RNF216: variants seen among roughly 807,000 people sequenced by gnomAD.
RNF216 encodes E3 ubiquitin-protein ligase RNF216.
Under a neutral mutation model 110.8 loss-of-function variants are expected in RNF216, and 72 were observed. The ratio of observed to expected loss-of-function variants is 0.65; its 90% CI spans 0.54 to 0.79. The LOEUF (loss-of-function observed/expected upper bound fraction) is 0.79, where lower values mean the gene tolerates loss of function less well. RNF216 is among the 30% of genes least tolerant of loss of function. The probability of loss-of-function intolerance (pLI) is 0.00; values close to 1 mark genes in which losing one functional copy is unlikely to be tolerated. For synonymous variants in RNF216, 495 were observed against 407.5 expected, an observed-to-expected ratio of 1.21 and a Z score of -2.59; for missense variants, 1,342 against 1,141.2, an observed-to-expected ratio of 1.18 and a Z score of -2.54.
chr7:5,745,799 G>A (rs1220043766), intron 3 of RNF216, among the ~76,000 whole-genome samples: 2 of 151,686 alleles, frequency 1.3e-5, no homozygotes, highest in Admixed American at 1.3e-4. Context: ...ACTCTCGGGA[G>A]GCTGAGGCAG....
At chr7:5,645,881 C>A (rs1367169112) in intron 14 of RNF216, among the ~76,000 whole-genome samples, 1 of 152,190 alleles carries the variant, frequency 6.6e-6, no homozygotes, top group African/African-American at 2.4e-5. Flanking sequence ...TGAGCCACTG[C>A]GCCTGGCTGG....
At position 5,741,083 on chromosome 7, in the gene RNF216, C is replaced by G. The variant is rs151280655; in HGVS notation, c.934G>C (p.Gly312Arg). 2.5e-6 allele frequency: 4 copies of G among 1,614,150 alleles called. No individual in the cohort carries two copies. The African/African-American group carries it at 5.3e-5, about 22-fold the overall frequency. ...GATTCTTGCATTGGAAAGGCTGGAC[C>G]TGGCTCTTCATCATCACTTGCTAAC... The part of the protein sequence containing the change: ...QQLASDDEEP[G>R]PAFPMQESQE... Residue 312 changes from glycine to arginine, a missense_variant, in exon 4 of 17, where the codon GGT (glycine) becomes CGT (arginine). Gly to Arg is a moderately radical substitution (Grantham distance 125). Transcript: ENST00000389902.
intron 14 of RNF216, among the ~76,000 whole-genome samples, chr7:5,649,377 T>C (rs2128574221): frequency 9.8e-6 from 1 of 102,032 alleles, no homozygotes; most frequent in South Asian, 3.3e-4. Flanking sequence ...GGAGACTCCG[T>C]CTCCAAAGGA....
At chr7:5,773,619 G>A (rs1796615996) in intron 1 of RNF216, among the ~76,000 whole-genome samples, 1 of 152,170 alleles carries the variant, frequency 6.6e-6, no homozygotes, top group Admixed American at 6.5e-5. Context: ...CCAGGCTGGA[G>A]TGCAGTGGCA....
chr7:5,762,668 C>G (rs1795994828), intron 1 of RNF216, among the ~76,000 whole-genome samples: 1 of 151,552 alleles, frequency 6.6e-6, no homozygotes, highest in African/African-American at 2.4e-5. Flanking sequence ...CTCCAGCTTG[C>G]ATGACAGAGC....
intron 1 of RNF216, among the ~76,000 whole-genome samples, chr7:5,762,934 CCT>C (rs1202197869): frequency 6.6e-6 from 1 of 151,996 alleles, no homozygotes; most frequent in Non-Finnish European, 1.5e-5. Context: ...GTAATCCATC[CCT>C]CTCTTCCTTT....
At chr7:5,745,105 C>A (rs1023917493) in intron 3 of RNF216, among the ~76,000 whole-genome samples, 1 of 152,100 alleles carries the variant, frequency 6.6e-6, no homozygotes. Context: ...GTAAGATCTA[C>A]GGAGAAAACA....
intron 13 of RNF216, among the ~76,000 whole-genome samples, chr7:5,689,542 G>A (rs544296457): frequency 1.3e-5 from 2 of 152,200 alleles, no homozygotes; most frequent in African/African-American, 2.4e-5. Flanking sequence ...TTGTAGTCAA[G>A]TAGTTTTCCT....
chr7:5,723,019 A>G (rs1793532293), intron 8 of RNF216, among the ~76,000 whole-genome samples: 1 of 152,218 alleles, frequency 6.6e-6, no homozygotes. Context: ...GTGGTTAGAC[A>G]GTAAGCTTTG....
At chr7:5,685,057 T>C (rs966575724) in intron 13 of RNF216, among the ~76,000 whole-genome samples, 1 of 152,146 alleles carries the variant, frequency 6.6e-6, no homozygotes, top group Non-Finnish European at 1.5e-5. Context: ...AGCCACGCTC[T>C]GGATGAAGGC....
At chr7:5,684,395 C>T (rs773529685) in intron 13 of RNF216, among the ~76,000 whole-genome samples, 2 of 151,602 alleles carry the variant, frequency 1.3e-5, no homozygotes, top group Non-Finnish European at 2.9e-5. Flanking sequence ...GTGCGAGCCA[C>T]TGCGCCTGGC....
chr7:5,646,235 G>A (rs1457376893), intron 14 of RNF216, among the ~76,000 whole-genome samples: 1 of 152,140 alleles, frequency 6.6e-6, no homozygotes, highest in Non-Finnish European at 1.5e-5. Context: ...CGGGCATGGT[G>A]GTGCATGCTT....
At position 5,624,712 on chromosome 7, in the gene RNF216, C is replaced by T. The variant is rs1786600882; in HGVS notation, c.2383-587G>A. 6.6e-6 allele frequency among the ~76,000 whole-genome samples: 1 copy of T among 152,234 alleles called. No homozygotes were observed. On this transcript the variant is annotated intron_variant, in intron 15 of 16. Coordinates refer to ENST00000389902, the MANE Select transcript of RNF216 (RefSeq NM_207111.4). The surrounding 1 kb of genome is among the most constrained non-coding windows in gnomAD (Gnocchi z 4.4). ...GCCGTCTCTTCTCCCAAACCCCATG[C>T]TTGGTAGGCCTGAAATAACAAACAC...
chr7:5,673,829 TAG>T (rs993626691), intron 13 of RNF216, among the ~76,000 whole-genome samples: 2 of 150,390 alleles, frequency 1.3e-5, no homozygotes, highest in Admixed American at 6.6e-5. Flanking sequence ...CTAGGAAAGA[TAG>T]AGAGACCTCC....
At chr7:5,697,189 C>G (rs538753759) in intron 13 of RNF216, among the ~76,000 whole-genome samples, 25 of 149,614 alleles carry the variant, frequency 1.7e-4, no homozygotes, top group African/African-American at 6.2e-4. Context: ...TTCTCCCCAT[C>G]TCCGCCAATA....
At chr7:5,738,115 A>T (rs1230557331) in intron 5 of RNF216, among the ~76,000 whole-genome samples, 1 of 126,606 alleles carries the variant, frequency 7.9e-6, no homozygotes, top group Non-Finnish European at 1.7e-5. Flanking sequence ...AAAAAAAAAA[A>T]AATTACAATT....
At chr7:5,731,890 T>G (rs1222046682) in intron 5 of RNF216, among the ~76,000 whole-genome samples, 1 of 145,032 alleles carries the variant, frequency 6.9e-6, no homozygotes, top group East Asian at 1.9e-4. Context: ...GGTGCCAGTG[T>G]TTGGGGACCG....
intron 1 of RNF216, among the ~76,000 whole-genome samples, chr7:5,775,378 T>C (rs1796717513): frequency 6.6e-6 from 1 of 152,192 alleles, no homozygotes; most frequent in African/African-American, 2.4e-5. Context: ...TTTTTCTCCT[T>C]GTTCTATTCA....
In RNF216 at chr7:5,641,188, T is replaced by C; in HGVS notation, c.2348A>G (p.Glu783Gly). The C allele has an allele frequency of 1.2e-6, 2 of 1,614,178 alleles. No homozygotes were observed. Among genetic ancestry groups the C allele is most frequent in the African/African-American group, 1.3e-5 (1 of 75,054 alleles). The change falls in exon 15 of 17, where the codon GAG becomes GGG. Residue 783 changes from glutamate (E) to glycine (G), a missense_variant. Glu to Gly is a moderately conservative substitution (Grantham distance 98, BLOSUM62 -2). Transcript: ENST00000389902. ...HPRSPGAPCQ[E>G]CSRCSLWTDP... ...GGTCCAGAGAGAGCATCTTGAACAC[T>C]CCTGGCAAGGGGCTCCTGGTGAGCG...
Sources: allele counts gnomAD v4.1 joint callset (sites outside exome capture counted in the v4.1 genomes callset), GRCh38; gene constraint gnomAD v4.1.1; non-coding constraint Gnocchi (gnomAD v3.1); transcripts MANE v1.5; gene names NCBI Gene and HGNC (gene_info 2026-07-23, HGNC 2026-07-21).